The following SERPINA12 variants were observed in gnomAD, a reference collection of about 807,000 sequenced individuals.
The protein encoded by SERPINA12 is serpin A12.
Under a neutral mutation model 25.9 loss-of-function variants are expected in SERPINA12, and 21 were observed. The ratio of observed to expected loss-of-function variants is 0.81; its 90% CI spans 0.58 to 1.17. The LOEUF (loss-of-function observed/expected upper bound fraction) is 1.17. Ranked by LOEUF, SERPINA12 falls within the 50% of genes most tolerant of loss-of-function variation. The pLI, the probability that SERPINA12 is intolerant of heterozygous loss-of-function variation, is 0.00. For synonymous variants in SERPINA12, 220 were observed against 196.0 expected (o/e 1.12, Z -1.02); for missense variants, 562 against 508.3 (o/e 1.11, Z -1.02).
Position 94,496,223 on chromosome 14 carries a change from T to C in SERPINA12, c.905+150A>G, listed in dbSNP as rs572298420. On this transcript the variant is annotated intron_variant, in intron 3 of 4. Coordinates refer to ENST00000677451, the MANE Select transcript of SERPINA12 (RefSeq NM_001382267.1). ...AGCCAGGCACTTCACTCTATTCCTA[T>C]GATTTGTTCCCCAGTCTAATTCTCA... 151 of 760,096 alleles carry C rather than the reference T, an allele frequency of 2.0e-4. No homozygotes were observed. The African/African-American group carries it at 2.4e-3, about 12-fold the overall frequency. The allele number at this position is 760,096 out of a possible 1,614,324, so 47.1% of individuals were successfully genotyped here.
intron 1 of SERPINA12, among the ~76,000 whole-genome samples, chr14:94,504,515 A>C (rs1900863812): frequency 6.6e-6 from 1 of 152,262 alleles, no homozygotes; most frequent in Admixed American, 6.5e-5. Flanking sequence ...ACAGGTTGAT[A>C]ACTGGGCTTC....
intron 1 of SERPINA12, among the ~76,000 whole-genome samples, chr14:94,502,780 C>T (rs1900783875): frequency 6.6e-6 from 1 of 152,238 alleles, no homozygotes; most frequent in Non-Finnish European, 1.5e-5. Context: ...TGAGAACCAA[C>T]AGAGCGAGCT....
chr14:94,504,245 G>A (rs1213214903), intron 1 of SERPINA12: 1 of 152,176 alleles, frequency 6.6e-6, no homozygotes, highest in Admixed American at 6.5e-5. Flanking sequence ...TGGCGTGTAT[G>A]GGCAGGTGAT....
chr14:94,492,794 C>T (rs1900233233), intron 3 of SERPINA12, among the ~76,000 whole-genome samples: 1 of 152,208 alleles, frequency 6.6e-6, no homozygotes, highest in Non-Finnish European at 1.5e-5. Context: ...ACCCTCGACA[C>T]TTCTGAACAG....
At chr14:94,510,899 C>A (rs1216231881), upstream of SERPINA12, among the ~76,000 whole-genome samples, 1 of 151,912 alleles carries the variant, frequency 6.6e-6, no homozygotes, top group Non-Finnish European at 1.5e-5. Context: ...GCTGTGAGCA[C>A]AGGTATAAGA....
At chr14:94,499,780 G>A (rs1043948504) in intron 1 of SERPINA12, among the ~76,000 whole-genome samples, 86 of 152,300 alleles carry the variant, frequency 5.6e-4, no homozygotes, top group Non-Finnish European at 5.0e-4. Flanking sequence ...GAGCCAAGGT[G>A]ACATCTAGCC....
At chr14:94,492,931 G>A (rs1224847709) in intron 3 of SERPINA12, among the ~76,000 whole-genome samples, 1 of 152,210 alleles carries the variant, frequency 6.6e-6, no homozygotes, top group Non-Finnish European at 1.5e-5. Flanking sequence ...CAAAGCAGGT[G>A]TCTGCCTCCT....
chr14:94,493,678 T>C (rs4905209), intron 3 of SERPINA12, among the ~76,000 whole-genome samples: 13,295 of 152,084 alleles, frequency 0.087, 712 homozygotes, highest in Non-Finnish European at 0.12. Flanking sequence ...TGAGAGCAGC[T>C]TACACTTGGA....
chr14:94,490,381 C>T (rs912655482), intron 3 of SERPINA12, among the ~76,000 whole-genome samples: 13 of 152,048 alleles, frequency 8.5e-5, no homozygotes, highest in South Asian at 2.1e-4. Context: ...GTGGCTGAAC[C>T]GCGATCAGCC....
chr14:94,515,079 G>A (rs1901197827), intron 2 of SERPINA12, among the ~76,000 whole-genome samples: 1 of 152,238 alleles, frequency 6.6e-6, no homozygotes, highest in Non-Finnish European at 1.5e-5. Context: ...GGGTCAGGGT[G>A]TGCTAGGCCT....
At chr14:94,495,090 A>G (rs1424260057) in intron 3 of SERPINA12, among the ~76,000 whole-genome samples, 2 of 79,916 alleles carry the variant, frequency 2.5e-5, no homozygotes, top group Non-Finnish European at 4.3e-5. Context: ...TTTTTTTGAG[A>G]TGGAGTCTCG....
upstream of SERPINA12, among the ~76,000 whole-genome samples, chr14:94,512,956 A>T (rs891843801): frequency 6.6e-6 from 1 of 152,238 alleles, no homozygotes; most frequent in African/African-American, 2.4e-5. Flanking sequence ...GCAAGCCCAC[A>T]CATCTATTCT....
chr14:94,513,418 C>CG (rs1566816868), upstream of SERPINA12, among the ~76,000 whole-genome samples: 1 of 152,164 alleles, frequency 6.6e-6, no homozygotes, highest in Non-Finnish European at 1.5e-5. Context: ...GACCTGAGAG[C>CG]GGGAAAAGAC....
At chr14:94,501,434 A>G (rs371924960) in intron 1 of SERPINA12, among the ~76,000 whole-genome samples, 1 of 152,242 alleles carries the variant, frequency 6.6e-6, no homozygotes, top group South Asian at 2.1e-4. Flanking sequence ...AGTGATGTTC[A>G]GTCACTGATC....
Position 94,498,026 on chromosome 14 carries a change from G to T in SERPINA12, c.372C>A (p.Thr124=). The change falls in exon 2 of 5, where the codon ACC becomes ACA. Residue 124 remains threonine (T), a synonymous_variant. Coordinates refer to ENST00000677451, the MANE Select transcript of SERPINA12 (RefSeq NM_001382267.1). ...EGFHYIIHEL[T]QKTQDLKLSI... ...TCAGTTTGAGGTCCTGGGTCTTCTG[G>T]GTCAGCTCGTGGATGATGTAATGGA... 1 of 1,614,068 alleles carries T rather than the reference G, an allele frequency of 6.2e-7. No individual in the cohort carries two copies. The highest frequency in any genetic ancestry group is 8.5e-7 in the Non-Finnish European group (1 of 1,180,012).
chr14:94,489,884 T>C lies in SERPINA12; in HGVS notation c.906-117A>G, dbSNP rs182187478. On this transcript the variant is annotated intron_variant, in intron 3 of 4. Coordinates refer to ENST00000677451, the MANE Select transcript of SERPINA12 (RefSeq NM_001382267.1). ...CCCAGCCCCAAAGGTCTCCAATCTC[T>C]CTCCATCCACAGAATGAGGAGGGGC... The C allele has an allele frequency of 5.4e-4, 555 of 1,021,968 alleles. 4 individuals are homozygous for C. The African/African-American group carries it at 8.1e-3, about 15-fold the overall frequency. 63.3% of individuals were successfully genotyped at this position (1,021,968 alleles called of 1,614,324 possible). A position where few individuals can be genotyped will look rare whatever the true frequency, so the allele number is the denominator to read the frequency against.
At chr14:94,513,315 G>T (rs1901155002), upstream of SERPINA12, among the ~76,000 whole-genome samples, 1 of 152,144 alleles carries the variant, frequency 6.6e-6, no homozygotes, top group Non-Finnish European at 1.5e-5. Context: ...TTCAGAGAGA[G>T]AATACAAAGA....
At chr14:94,501,931 T>C (rs1227786262) in intron 1 of SERPINA12, among the ~76,000 whole-genome samples, 2 of 152,084 alleles carry the variant, frequency 1.3e-5, no homozygotes, top group African/African-American at 4.8e-5. Flanking sequence ...TTTAATTCCA[T>C]CAATTAAAAT....
chr14:94,490,861 C>T (rs1289443329), intron 3 of SERPINA12, among the ~76,000 whole-genome samples: 2 of 152,158 alleles, frequency 1.3e-5, no homozygotes, highest in Non-Finnish European at 2.9e-5. Flanking sequence ...TCCAGGTCCA[C>T]CCCTTGAGGC....
Sources: gnomAD v4.1 joint callset for allele counts (sites outside exome capture counted in the v4.1 genomes callset) on GRCh38, gnomAD v4.1.1 for gene constraint, MANE v1.5 for transcripts, NCBI Gene and HGNC (gene_info 2026-07-23, HGNC 2026-07-21) for gene names.